Variants in ADGRL2 observed in about 807,000 individuals in gnomAD.
ADGRL2 encodes adhesion G protein-coupled receptor L2.
In ADGRL2, 44 loss-of-function variants were observed where a neutral mutation model predicts 157.4. The ratio of observed to expected loss-of-function variants is 0.28; its 90% CI spans 0.22 to 0.36. The LOEUF (loss-of-function observed/expected upper bound fraction) is 0.36, where lower values mean the gene tolerates loss of function less well. Ranked by LOEUF, ADGRL2 falls within the 10% of genes least tolerant of loss-of-function variation. The probability of loss-of-function intolerance (pLI) is 1.00; values close to 1 mark genes in which losing one functional copy is unlikely to be tolerated. For synonymous variants in ADGRL2, 585 were observed against 624.7 expected, an observed-to-expected ratio of 0.94 and a Z score of 0.95; for missense variants, 1,510 against 1,768.9, an observed-to-expected ratio of 0.85 and a Z score of 2.63.
At chr1:81,449,069 T>C (rs1022092455) in intron 2 of ADGRL2, among the ~76,000 whole-genome samples, 53 of 152,196 alleles carry the variant, frequency 3.5e-4, no homozygotes, top group Admixed American at 1.8e-3. Flanking sequence ...ATGGAATAAG[T>C]GGCATCAAAG....
At chr1:81,336,888 C>T (rs1236918822) in intron 1 of ADGRL2, among the ~76,000 whole-genome samples, 1 of 152,028 alleles carries the variant, frequency 6.6e-6, no homozygotes, top group Admixed American at 6.6e-5. Flanking sequence ...CCATCTTGTA[C>T]CCATGAAAAC....
Position 81,403,799 on chromosome 1 carries a change from A to ATTT in ADGRL2, c.-301-41223_-301-41221dup, listed in dbSNP as rs200477492. Among the ~76,000 whole-genome samples, 810 of 139,248 alleles carry ATTT rather than the reference A, an allele frequency of 5.8e-3. 21 individuals are homozygous for ATTT. The highest frequency in any genetic ancestry group is 0.018 in the African/African-American group (686 of 37,456). The allele number at this position is 139,248 out of a possible 152,430, so 91.4% of individuals were successfully genotyped here. On this transcript the variant is annotated intron_variant, in intron 1 of 24. Coordinates refer to the ADGRL2 transcript ENST00000370721. ...GTAGTCAGTAAAGCCAATGTCTTTGATTTTTTTTTTTTTTTTGAGACAGAA... is the reference window on the plus strand; with the variant it reads ...GTAGTCAGTAAAGCCAATGTCTTTGATTTTTTTTTTTTTTTTTTTGAGACAGAA...
chr1:81,324,413 G>A (rs112124726), intron 1 of ADGRL2, among the ~76,000 whole-genome samples: 3 of 151,332 alleles, frequency 2.0e-5, no homozygotes, highest in Non-Finnish European at 4.4e-5. Context: ...GAAAGCTGAG[G>A]CAGGAGGATG....
At chr1:81,815,116 A>C (rs887384329) in intron 1 of ADGRL2, among the ~76,000 whole-genome samples, 1 of 151,732 alleles carries the variant, frequency 6.6e-6, no homozygotes, top group African/African-American at 2.4e-5. Flanking sequence ...AAGGGAAAAA[A>C]CCCATTTGTT....
At chr1:81,383,937 G>C (rs1015087118) in intron 1 of ADGRL2, among the ~76,000 whole-genome samples, 1 of 138,702 alleles carries the variant, frequency 7.2e-6, no homozygotes, top group African/African-American at 2.7e-5. Flanking sequence ...CTGGGCAACA[G>C]AGCAAGACTC....
At chr1:81,368,994 T>A (rs1246704127) in intron 1 of ADGRL2, among the ~76,000 whole-genome samples, 2 of 152,246 alleles carry the variant, frequency 1.3e-5, no homozygotes, top group Non-Finnish European at 2.9e-5. Flanking sequence ...CTTCTATATA[T>A]TTCCATTATT....
intron 2 of ADGRL2, among the ~76,000 whole-genome samples, chr1:81,773,235 G>A (rs1458343396): frequency 6.6e-6 from 1 of 152,218 alleles, no homozygotes; most frequent in Admixed American, 6.5e-5. Flanking sequence ...CCATGAACCA[G>A]TAAATTGCCT....
intron 10 of ADGRL2, among the ~76,000 whole-genome samples, chr1:81,953,868 A>G (rs966954496): frequency 1.3e-5 from 2 of 152,220 alleles, no homozygotes; most frequent in African/African-American, 4.8e-5. Flanking sequence ...ACAAGAAAAC[A>G]AAAGAACTTT....
intron 1 of ADGRL2, among the ~76,000 whole-genome samples, chr1:81,710,176 A>G (rs1557585603): frequency 1.3e-5 from 2 of 152,204 alleles, no homozygotes; most frequent in Non-Finnish European, 2.9e-5. Context: ...TCACTTACTC[A>G]TCACTCATCC....
At chr1:81,862,391 T>A (rs2150808824) in intron 2 of ADGRL2, among the ~76,000 whole-genome samples, 1 of 152,342 alleles carries the variant, frequency 6.6e-6, no homozygotes, top group South Asian at 2.1e-4. Flanking sequence ...ATTTGTGGCC[T>A]ATAAATTTTA....
At chr1:81,408,974 C>G (rs541625663) in intron 1 of ADGRL2, among the ~76,000 whole-genome samples, 1 of 152,192 alleles carries the variant, frequency 6.6e-6, no homozygotes. Flanking sequence ...ATGTTCTCTC[C>G]AGTTCTGTTA....
intron 1 of ADGRL2, among the ~76,000 whole-genome samples, chr1:81,441,759 C>G (rs1450678983): frequency 6.6e-6 from 1 of 152,176 alleles, no homozygotes; most frequent in Non-Finnish European, 1.5e-5. Flanking sequence ...AGGCTGGTCT[C>G]AAACTCCTGA....
intron 11 of ADGRL2, among the ~76,000 whole-genome samples, chr1:81,960,248 A>G (rs1654906027): frequency 1.3e-5 from 2 of 152,324 alleles, no homozygotes; most frequent in Admixed American, 1.3e-4. Context: ...TCCACAGTGC[A>G]TCATTTAACT....
At position 81,459,833 on chromosome 1, in the gene ADGRL2, C is replaced by CATATATATAT. The variant is rs1557704572; in HGVS notation, c.-248+14745_-248+14746insTATATATATA. 7.9e-3 allele frequency among the ~76,000 whole-genome samples: 951 copies of CATATATATAT among 120,528 alleles called. 16 individuals are homozygous for CATATATATAT. Among genetic ancestry groups the CATATATATAT allele is most frequent in the East Asian group, 0.032 (152 of 4,750 alleles). The allele number at this position is 120,528 out of a possible 152,430, so 79.1% of individuals were successfully genotyped here. ...GTTTGTATATATATATATATATATA[C>CATATATATAT]ACACACACACATACACACACTAAGT... On this transcript the variant is annotated intron_variant, in intron 2 of 24. Transcript: ENST00000370721.
chr1:81,705,160 C>T (rs1345586048), intron 1 of ADGRL2, among the ~76,000 whole-genome samples: 1 of 152,130 alleles, frequency 6.6e-6, no homozygotes, highest in Non-Finnish European at 1.5e-5. Context: ...TCAAGCAGTT[C>T]TCTGCCTCAT....
At chr1:81,952,361 G>T (rs1652107626) in intron 9 of ADGRL2, among the ~76,000 whole-genome samples, 1 of 152,110 alleles carries the variant, frequency 6.6e-6, no homozygotes, top group Non-Finnish European at 1.5e-5. Flanking sequence ...ACCTGAGAGA[G>T]ATCTTAGTTG....
At chr1:81,803,245 C>A (rs186634018) in intron 1 of ADGRL2, among the ~76,000 whole-genome samples, 3 of 152,004 alleles carry the variant, frequency 2.0e-5, no homozygotes, top group Non-Finnish European at 4.4e-5. Flanking sequence ...CTGGGGCGAC[C>A]CTCAGGCAGA....
chr1:81,619,168 G>A (rs560414630), intron 3 of ADGRL2, among the ~76,000 whole-genome samples: 6 of 152,248 alleles, frequency 3.9e-5, no homozygotes, highest in African/African-American at 1.2e-4. Flanking sequence ...ACCACACAGT[G>A]ATGTACCAGC....
At chr1:81,394,625 T>A (rs1417372458) in intron 1 of ADGRL2, among the ~76,000 whole-genome samples, 1 of 152,202 alleles carries the variant, frequency 6.6e-6, no homozygotes, top group Non-Finnish European at 1.5e-5. Context: ...TTGGGCACTT[T>A]GGTTGATTCC....
Sources: allele counts gnomAD v4.1 joint callset (sites outside exome capture counted in the v4.1 genomes callset), GRCh38; gene constraint gnomAD v4.1.1; transcripts MANE v1.5; gene names NCBI Gene and HGNC (gene_info 2026-07-23, HGNC 2026-07-21).